Variants in NEK5 observed in about 807,000 individuals in gnomAD.
NEK5 encodes the protein serine/threonine-protein kinase Nek5.
Under a neutral mutation model 109.2 loss-of-function variants are expected in NEK5, and 88 were observed. That is an observed-to-expected ratio of 0.81 (90% confidence interval 0.68 to 0.96). The LOEUF (loss-of-function observed/expected upper bound fraction) is 0.96. NEK5 is among the 40% of genes least tolerant of loss of function. The pLI, the probability that NEK5 is intolerant of heterozygous loss-of-function variation, is 0.00. For synonymous variants in NEK5, 283 were observed against 299.9 expected (o/e 0.94, Z 0.58); for missense variants, 834 against 920.7 (o/e 0.91, Z 1.22).
chr13:52,112,468 C>T (rs1955777267), intron 4 of NEK5, 103 bp from the exon 5 acceptor site: 1 of 702,554 alleles, frequency 1.4e-6, no homozygotes, highest in Middle Eastern at 2.5e-4. Flanking sequence ...TCCACTATAC[C>T]ATTTATATTT....
chr13:52,038,890 C>T (rs928723499), intron 23 of NEK5, among the ~76,000 whole-genome samples: 1 of 149,450 alleles, frequency 6.7e-6, no homozygotes, highest in Non-Finnish European at 1.5e-5. Context: ...AGCCTAACTC[C>T]GAAAGGAATG....
At chr13:52,087,913 T>C (rs1017064216) in intron 14 of NEK5, among the ~76,000 whole-genome samples, 60 of 142,294 alleles carry the variant, frequency 4.2e-4, no homozygotes, top group Non-Finnish European at 7.8e-4. Context: ...GCATGAGCCA[T>C]CAAGCCCAGC....
At chr13:52,053,916 T>G (rs1369124127) in intron 22 of NEK5, among the ~76,000 whole-genome samples, 1 of 152,234 alleles carries the variant, frequency 6.6e-6, no homozygotes, top group Admixed American at 6.5e-5. Context: ...TATTCAATTT[T>G]GCAAGCGGAG....
intron 21 of NEK5, among the ~76,000 whole-genome samples, chr13:52,064,443 G>A (rs1954653790): frequency 6.9e-6 from 1 of 144,596 alleles, no homozygotes; most frequent in African/African-American, 2.6e-5. Flanking sequence ...GTCCGGGAGG[G>A]AGGTGGGGGG....
At position 52,085,711 on chromosome 13, in the gene NEK5, A is replaced by C. The variant is rs116445239; in HGVS notation, c.1479+566T>G. ...AACACAGGCTGGCTATTTCATGTGA[A>C]GCTCTTCTGAAGAAGCAGTGATCTG... On this transcript the variant is annotated intron_variant, in intron 16 of 23. Coordinates refer to ENST00000684899, the MANE Select transcript of NEK5 (RefSeq NM_001365552.1). Among the ~76,000 whole-genome samples, 279 of 152,332 alleles carry C rather than the reference A, an allele frequency of 1.8e-3. 1 individual carries two copies. The highest frequency in any genetic ancestry group is 6.4e-3 in the African/African-American group (265 of 41,574).
At chr13:52,071,751 G>C (rs543247520) in intron 20 of NEK5, among the ~76,000 whole-genome samples, 193 bp downstream of exon 20, 1 of 152,328 alleles carries the variant, frequency 6.6e-6, no homozygotes, top group East Asian at 1.9e-4. Flanking sequence ...AGCAGGAGAG[G>C]AGGGCTGGAT....
At chr13:52,069,445 A>C (rs187328087) in intron 20 of NEK5, among the ~76,000 whole-genome samples, 52 of 152,328 alleles carry the variant, frequency 3.4e-4, no homozygotes, top group African/African-American at 1.1e-3. Flanking sequence ...TATTTTGACC[A>C]TCACCAAAGT....
At chr13:52,115,656 C>T (rs1812798830) in intron 4 of NEK5, among the ~76,000 whole-genome samples, 1 of 140,188 alleles carries the variant, frequency 7.1e-6, no homozygotes, top group African/African-American at 2.6e-5. Flanking sequence ...TTAGCATTAT[C>T]TGACTGTAAA....
chr13:52,112,427 G>C (rs1388878492), intron 4 of NEK5, 62 bp from the exon 5 acceptor site: 1 of 1,107,266 alleles, frequency 9.0e-7, no homozygotes, highest in African/African-American at 1.5e-5. Context: ...CCATGTTCTG[G>C]CTGTGGAATC....
chr13:52,045,435 A>G (rs1954449140), intron 23 of NEK5, among the ~76,000 whole-genome samples: 1 of 150,762 alleles, frequency 6.6e-6, no homozygotes, highest in Admixed American at 6.6e-5. Flanking sequence ...TTTTAAGTAA[A>G]TGGTGCTGGA....
intron 21 of NEK5, 74 bp downstream of exon 21, chr13:52,065,410 C>T (rs375086181): frequency 6.2e-6 from 10 of 1,603,838 alleles, no homozygotes; most frequent in Non-Finnish European, 7.7e-6. Flanking sequence ...TAGACTATCA[C>T]ATCAGGATGA....
At chr13:52,087,514 T>C in intron 14 of NEK5, 60 bp from the exon 15 acceptor site, 1 of 842,404 alleles carries the variant, frequency 1.2e-6, no homozygotes, top group Non-Finnish European at 1.9e-6. Flanking sequence ...ATCTTCTGAT[T>C]TGACATTGAC....
At chr13:52,084,754 A>AGTGTGTGT (rs1352619697) in intron 16 of NEK5, among the ~76,000 whole-genome samples, 4 of 51,440 alleles carry the variant, frequency 7.8e-5, no homozygotes, top group African/African-American at 1.7e-4. Context: ...AGAGAGAGAG[A>AGTGTGTGT]GAGAGAGAGT....
rs1175194701 is a variant in NEK5 at position 52,035,854 on chromosome 13, G to T, written c.*1094C>A. ...TTGCCTTATTCCTGTGTCAACATCA[G>T]CTTCAAAAAAGTGTATTCAATGCAA... is the stretch of plus-strand genomic sequence containing the variant. On this transcript the variant is annotated 3_prime_UTR_variant, in exon 24 of 24. Transcript: ENST00000684899. The T allele has an allele frequency of 2.6e-5, 4 of 151,800 alleles. No homozygotes were observed. The highest frequency in any genetic ancestry group is 5.9e-5 in the Non-Finnish European group (4 of 67,950). The allele number at this position is 151,800 out of a possible 1,614,324, so 9.4% of individuals were successfully genotyped here.
intron 20 of NEK5, among the ~76,000 whole-genome samples, chr13:52,070,688 G>A (rs958069802): frequency 6.6e-6 from 1 of 152,302 alleles, no homozygotes; most frequent in African/African-American, 2.4e-5. Context: ...AAATTGCTCA[G>A]TCTCAGGTAT....
chr13:52,065,220 G>A (rs1205811534), intron 21 of NEK5: 4 of 516,664 alleles, frequency 7.7e-6, no homozygotes, highest in Admixed American at 6.2e-5. Context: ...CCTTCCTCAC[G>A]CATTTTCCCT....
At chr13:52,089,102 C>CAACAACAACAACAAA in intron 14 of NEK5, 145 bp downstream of exon 14, 3 of 602,610 alleles carry the variant, frequency 5.0e-6, no homozygotes. Flanking sequence ...AAAACAACAA[C>CAACAACAACAACAAA]AACAAAAACA....
intron 13 of NEK5, among the ~76,000 whole-genome samples, chr13:52,089,613 GT>G: frequency 6.6e-6 from 1 of 152,286 alleles, no homozygotes; most frequent in South Asian, 2.1e-4. Flanking sequence ...TCTATAATAT[GT>G]TGTGGGGAGG....
intron 13 of NEK5, among the ~76,000 whole-genome samples, chr13:52,092,504 C>G (rs1955307913): frequency 6.6e-6 from 1 of 151,808 alleles, no homozygotes; most frequent in South Asian, 2.1e-4. Flanking sequence ...GCAGGTGGAT[C>G]ACATGAGGTC....
Sources: gnomAD v4.1 joint callset for allele counts (sites outside exome capture counted in the v4.1 genomes callset) on GRCh38, gnomAD v4.1.1 for gene constraint, MANE v1.5 for transcripts, NCBI Gene and HGNC (gene_info 2026-07-23, HGNC 2026-07-21) for gene names.